Variants in ADAMTS18 observed in about 807,000 individuals in gnomAD.
ADAMTS18 encodes ADAM metallopeptidase with thrombospondin type 1 motif 18.
Under a neutral mutation model 165.9 loss-of-function variants are expected in ADAMTS18, and 157 were observed. The ratio of observed to expected loss-of-function variants is 0.95; its 90% confidence interval spans 0.83 to 1.08. ADAMTS18 has a LOEUF of 1.08. Ranked by LOEUF, ADAMTS18 falls within the 50% of genes least tolerant of loss-of-function variation. The probability of loss-of-function intolerance (pLI) is 0.00; values close to 1 mark genes in which losing one functional copy is unlikely to be tolerated. For missense variants in ADAMTS18, 2,040 were observed against 1,534.0 expected (o/e 1.33, Z -5.51); for synonymous variants, 782 against 578.2 (o/e 1.35, Z -5.06).
intron 3 of ADAMTS18, among the ~76,000 whole-genome samples, chr16:77,416,237 G>A (rs768779835): frequency 1.3e-5 from 2 of 152,114 alleles, no homozygotes; most frequent in Non-Finnish European, 2.9e-5. Context: ...TAGGACATCT[G>A]GGGATGTTGA....
At chr16:77,336,087 C>T (rs1567493397) in intron 11 of ADAMTS18, among the ~76,000 whole-genome samples, 183 bp from the exon 12 acceptor site, 1 of 152,306 alleles carries the variant, frequency 6.6e-6, no homozygotes, top group Non-Finnish European at 1.5e-5. Flanking sequence ...TTGACCACAT[C>T]CATTTTGAAA....
chr16:77,409,092 G>A (rs1173472607), intron 3 of ADAMTS18, among the ~76,000 whole-genome samples: 1 of 151,860 alleles, frequency 6.6e-6, no homozygotes, highest in Non-Finnish European at 1.5e-5. Flanking sequence ...GTTTAATATT[G>A]GGTGCAGTAC....
chr16:77,367,068 T>C (rs1310669944), intron 4 of ADAMTS18, among the ~76,000 whole-genome samples: 1 of 152,172 alleles, frequency 6.6e-6, no homozygotes. Flanking sequence ...AATGTTCTTG[T>C]TTCTGGAAGT....
chr16:77,324,304 G>T (rs1231392360), intron 13 of ADAMTS18, among the ~76,000 whole-genome samples: 2 of 152,194 alleles, frequency 1.3e-5, no homozygotes, highest in Non-Finnish European at 2.9e-5. Flanking sequence ...GCATCCGCTG[G>T]GACCTGCTGT....
intron 3 of ADAMTS18, among the ~76,000 whole-genome samples, chr16:77,426,763 T>C (rs568506857): frequency 7.9e-5 from 12 of 152,134 alleles, no homozygotes; most frequent in Non-Finnish European, 7.4e-5. Flanking sequence ...GGCTCAAGCC[T>C]GGTAATCCCA....
Position 77,364,314 on chromosome 16 carries a change from G to C in ADAMTS18, c.846C>G (p.Pro282=). 3 of 1,613,894 alleles carry C rather than the reference G, an allele frequency of 1.9e-6. No individual in the cohort carries two copies. The highest frequency in any genetic ancestry group is 1.1e-5 in the South Asian group (1 of 91,076). ...RFDEYGSSGR[P]RRSAGKSQKG... ...TTTGTGATTTTCCAGCTGATCTTCT[G>C]GGTCGCCCAGAGCTCCCATATTCAT... The change falls in exon 5 of 23, where the codon CCC becomes CCG. Residue 282 remains proline (P), a synonymous_variant. Transcript: ENST00000282849.
intron 3 of ADAMTS18, among the ~76,000 whole-genome samples, chr16:77,404,589 T>G (rs1235449516): frequency 2.0e-5 from 3 of 152,218 alleles, no homozygotes; most frequent in Non-Finnish European, 4.4e-5. Context: ...AAATACATAG[T>G]AGATGGAGTA....
At chr16:77,404,173 T>C (rs1223621109) in intron 3 of ADAMTS18, among the ~76,000 whole-genome samples, 4 of 151,714 alleles carry the variant, frequency 2.6e-5, no homozygotes, top group Non-Finnish European at 4.4e-5. Flanking sequence ...GAGGAGGAGG[T>C]GGAGGAGCAA....
chr16:77,416,173 G>T (rs930913825), intron 3 of ADAMTS18, among the ~76,000 whole-genome samples: 3 of 152,162 alleles, frequency 2.0e-5, no homozygotes, highest in Non-Finnish European at 4.4e-5. Context: ...ACTGAGGGAA[G>T]AAATAATCAG....
chr16:77,343,045 G>A (rs2056422298), intron 10 of ADAMTS18, among the ~76,000 whole-genome samples: 2 of 151,568 alleles, frequency 1.3e-5, no homozygotes, highest in African/African-American at 4.8e-5. Context: ...TCAAAACCCT[G>A]CTAATGCACT....
intron 3 of ADAMTS18, among the ~76,000 whole-genome samples, chr16:77,380,366 T>C (rs2057013576): frequency 1.3e-5 from 2 of 152,210 alleles, no homozygotes; most frequent in African/African-American, 4.8e-5. Flanking sequence ...AATTATAATC[T>C]CTACTGAAAT....
chr16:77,398,514 C>T (rs2057287664), intron 3 of ADAMTS18, among the ~76,000 whole-genome samples: 1 of 152,262 alleles, frequency 6.6e-6, no homozygotes, highest in East Asian at 1.9e-4. Flanking sequence ...GAGCAACCCA[C>T]CACCTTTGCA....
intron 2 of ADAMTS18, chr16:77,433,389 C>T (rs1493889): frequency 0.48 from 73,271 of 152,030 alleles, 18,648 homozygotes; most frequent in Non-Finnish European, 0.58. Flanking sequence ...AACAGGCTGT[C>T]GGTTACATTC....
At chr16:77,358,506 G>A (rs997592398) in intron 8 of ADAMTS18, among the ~76,000 whole-genome samples, 1 of 152,134 alleles carries the variant, frequency 6.6e-6, no homozygotes, top group Admixed American at 6.6e-5. Flanking sequence ...AGGTTGCAGC[G>A]AGCCGAGATC....
At chr16:77,397,544 G>A (rs1010305466) in intron 3 of ADAMTS18, among the ~76,000 whole-genome samples, 1 of 152,168 alleles carries the variant, frequency 6.6e-6, no homozygotes, top group African/African-American at 2.4e-5. Flanking sequence ...CATAGAATTT[G>A]GAGTCATTAA....
chr16:77,340,412 G>T (rs1423673874), intron 11 of ADAMTS18, among the ~76,000 whole-genome samples: 1 of 151,984 alleles, frequency 6.6e-6, no homozygotes, highest in Non-Finnish European at 1.5e-5. Context: ...TGACCTCAAG[G>T]GATCCACCCA....
intron 14 of ADAMTS18, 121 bp downstream of exon 14, chr16:77,322,215 T>TTCGC: frequency 2.4e-6 from 3 of 1,228,062 alleles, no homozygotes; most frequent in Non-Finnish European, 3.6e-6. Context: ...ACTTTGCTCT[T>TTCGC]TCGCTCCATG....
intron 3 of ADAMTS18, among the ~76,000 whole-genome samples, chr16:77,397,029 G>C (rs1028761683): frequency 2.6e-5 from 4 of 151,896 alleles, no homozygotes; most frequent in African/African-American, 9.7e-5. Context: ...GGCTGGTCTC[G>C]AACTCCTGAC....
intron 10 of ADAMTS18, among the ~76,000 whole-genome samples, chr16:77,351,911 T>TTTTGTAAAGAGAGGGTCTAAATTTG (rs2056561889): frequency 6.6e-6 from 1 of 152,122 alleles, no homozygotes; most frequent in East Asian, 1.9e-4. Context: ...CTTTTTTATT[T>TTTTGTAAAGAGAGGGTCTAAATTTG]TTTGTAAAGA....
Sources: allele counts gnomAD v4.1 joint callset (sites outside exome capture counted in the v4.1 genomes callset), GRCh38; gene constraint gnomAD v4.1.1; transcripts MANE v1.5; gene names NCBI Gene and HGNC (gene_info 2026-07-23, HGNC 2026-07-21).